LRMDA: variants seen among roughly 807,000 people sequenced by gnomAD.
The protein encoded by LRMDA is leucine-rich melanocyte differentiation-associated protein.
Under a neutral mutation model 29.8 loss-of-function variants are expected in LRMDA, and 18 were observed. The ratio of observed to expected loss-of-function variants is 0.60; its 90% CI spans 0.42 to 0.90. The LOEUF (loss-of-function observed/expected upper bound fraction) is 0.90. LRMDA is among the 40% of genes least tolerant of loss of function. The pLI is 0.00. For missense variants in LRMDA, 273 were observed against 273.9 expected (o/e 1.00, Z 0.02); for synonymous variants, 125 against 109.4 (o/e 1.14, Z -0.89).
intron 5 of LRMDA, among the ~76,000 whole-genome samples, chr10:76,172,540 A>T (rs1270001295): frequency 2.0e-5 from 3 of 152,186 alleles, no homozygotes; most frequent in African/African-American, 7.2e-5. Context: ...AGAGGAGAGA[A>T]TATTTTATAA....
chr10:75,648,030 T>C (rs1274677218), intron 2 of LRMDA, among the ~76,000 whole-genome samples: 1 of 152,122 alleles, frequency 6.6e-6, no homozygotes, highest in Non-Finnish European at 1.5e-5. Flanking sequence ...GGAGCACAAC[T>C]TCCCTTTGGG....
chr10:76,245,912 T>A (rs991214228), intron 5 of LRMDA, among the ~76,000 whole-genome samples: 1 of 152,224 alleles, frequency 6.6e-6, no homozygotes, highest in African/African-American at 2.4e-5. Context: ...AGGGAATACC[T>A]ATGACAAGTT....
chr10:75,496,944 C>T (rs1019936851), intron 2 of LRMDA, among the ~76,000 whole-genome samples: 2 of 151,678 alleles, frequency 1.3e-5, no homozygotes, highest in Non-Finnish European at 2.9e-5. Flanking sequence ...CCACCCCCTG[C>T]CCTCTCCCCT....
intron 2 of LRMDA, among the ~76,000 whole-genome samples, chr10:75,640,226 C>T (rs374185955): frequency 2.6e-5 from 4 of 152,244 alleles, no homozygotes; most frequent in African/African-American, 9.6e-5. Flanking sequence ...TTAAATGGTA[C>T]ACAGTCTGAT....
At chr10:76,512,928 A>C (rs1301584999) in intron 6 of LRMDA, among the ~76,000 whole-genome samples, 1 of 152,166 alleles carries the variant, frequency 6.6e-6, no homozygotes, top group African/African-American at 2.4e-5. Context: ...TCATTGGGTT[A>C]GGTCATATCT....
Position 75,691,216 on chromosome 10 carries a change from A to G in LRMDA, c.131+252722A>G, listed in dbSNP as rs766749268. ...TATATATACACACACACACATATAT[A>G]TATACACATATATGTGTGTGTGTGT... is the stretch of plus-strand genomic sequence containing the variant. On this transcript the variant is annotated intron_variant, in intron 2 of 6. Coordinates refer to ENST00000611255, the MANE Select transcript of LRMDA (RefSeq NM_001305581.2). Among the ~76,000 whole-genome samples, 4 of 143,356 alleles carry G rather than the reference A, an allele frequency of 2.8e-5. 1 individual carries two copies. The highest frequency in any genetic ancestry group is 7.9e-5 in the African/African-American group (3 of 38,098). The allele number at this position is 143,356 out of a possible 152,430, so 94.0% of individuals were successfully genotyped here. A position where few individuals can be genotyped will look rare whatever the true frequency, so the allele number is the denominator to read the frequency against.
intron 2 of LRMDA, among the ~76,000 whole-genome samples, chr10:75,524,526 A>G (rs1845394073): frequency 1.3e-5 from 2 of 152,188 alleles, no homozygotes; most frequent in African/African-American, 2.4e-5. Flanking sequence ...CCTGGCATAC[A>G]TAGGAATTAG....
chr10:76,370,393 C>A (rs1051943867), intron 6 of LRMDA, among the ~76,000 whole-genome samples: 4 of 152,250 alleles, frequency 2.6e-5, no homozygotes, highest in African/African-American at 9.6e-5. Flanking sequence ...TATCTACAAA[C>A]CTTACCTAAC....
intron 2 of LRMDA, among the ~76,000 whole-genome samples, chr10:75,534,505 T>C (rs890367600): frequency 6.6e-6 from 1 of 152,230 alleles, no homozygotes; most frequent in Non-Finnish European, 1.5e-5. Context: ...ATTCTAGGTT[T>C]ATGAGTCAAC....
intron 2 of LRMDA, among the ~76,000 whole-genome samples, chr10:75,608,996 G>A (rs116670020): frequency 0.042 from 6,325 of 152,186 alleles, 397 homozygotes; most frequent in African/African-American, 0.14. Context: ...TCACCTGCAC[G>A]TACTCTCAAA....
chr10:75,446,713 C>T (rs1844401068), intron 2 of LRMDA, among the ~76,000 whole-genome samples: 1 of 152,208 alleles, frequency 6.6e-6, no homozygotes, highest in Admixed American at 6.5e-5. Flanking sequence ...CCTATCCTAA[C>T]TAATATAAAT....
chr10:76,275,033 A>G (rs1382738215), intron 5 of LRMDA, among the ~76,000 whole-genome samples: 1 of 152,162 alleles, frequency 6.6e-6, no homozygotes, highest in Non-Finnish European at 1.5e-5. Flanking sequence ...TTCTTACTCC[A>G]GCCCTAACTG....
rs1420114637 is a variant in LRMDA, at chr10:76,176,998, G to A, written c.516+118215G>A. On this transcript the variant is annotated intron_variant, in intron 5 of 6. Coordinates refer to ENST00000611255, the MANE Select transcript of LRMDA (RefSeq NM_001305581.2). The stretch of plus-strand genomic sequence containing the variant: ...ACCCATTGAGGCTGATTTTCCAATA[G>A]AGTCTTCCAGAGCACAGGACCTGGG... 2.0e-5 allele frequency among the ~76,000 whole-genome samples: 3 copies of A among 152,140 alleles called. No homozygotes were observed. The East Asian group carries it at 5.8e-4, about 29-fold the overall frequency.
At chr10:75,494,050 A>G (rs1228334077) in intron 2 of LRMDA, among the ~76,000 whole-genome samples, 2 of 152,162 alleles carry the variant, frequency 1.3e-5, no homozygotes, top group Admixed American at 1.3e-4. Context: ...CACCACGCCC[A>G]GCCAAATTTA....
At chr10:75,881,220 C>T (rs1335138033) in intron 2 of LRMDA, among the ~76,000 whole-genome samples, 1 of 152,138 alleles carries the variant, frequency 6.6e-6, no homozygotes, top group African/African-American at 2.4e-5. Context: ...GCTGGTGCTA[C>T]AGATTTGATG....
intron 2 of LRMDA, among the ~76,000 whole-genome samples, chr10:75,723,600 G>A (rs1412051920): frequency 6.6e-6 from 1 of 152,124 alleles, no homozygotes; most frequent in African/African-American, 2.4e-5. Context: ...GTTTATTTTG[G>A]GGCTCAGGAA....
At chr10:75,822,922 A>T (rs1468786644) in intron 2 of LRMDA, among the ~76,000 whole-genome samples, 2 of 152,224 alleles carry the variant, frequency 1.3e-5, no homozygotes, top group South Asian at 4.1e-4. Context: ...GCATAATTGG[A>T]GAGCCATATG....
chr10:75,953,319 TC>T (rs1371691975), intron 2 of LRMDA, among the ~76,000 whole-genome samples: 1 of 152,140 alleles, frequency 6.6e-6, no homozygotes, highest in African/African-American at 2.4e-5. Flanking sequence ...CCTCAAGCGA[TC>T]CTTCTGCCTC....
intron 2 of LRMDA, among the ~76,000 whole-genome samples, chr10:75,507,374 A>G (rs1564788238): frequency 1.3e-5 from 2 of 152,094 alleles, no homozygotes; most frequent in Non-Finnish European, 1.5e-5. Flanking sequence ...TTGTGCCATC[A>G]TTTTCCAGAT....
Sources: gnomAD v4.1 joint callset for allele counts (sites outside exome capture counted in the v4.1 genomes callset) on GRCh38, gnomAD v4.1.1 for gene constraint, MANE v1.5 for transcripts, NCBI Gene and HGNC (gene_info 2026-07-23, HGNC 2026-07-21) for gene names.